BAHCC1: variants seen among roughly 807,000 people sequenced by gnomAD.
BAHCC1 encodes the protein BAH and coiled-coil domain-containing protein 1.
BAHCC1 carries 43 observed loss-of-function variants against 88.2 expected under a neutral mutation model. The observed-to-expected ratio is 0.49, with a 90% confidence interval of 0.38 to 0.63. The LOEUF (loss-of-function observed/expected upper bound fraction) is 0.63, where lower values mean the gene tolerates loss of function less well. Among genes scored for constraint, BAHCC1 ranks in the 20% least tolerant of loss-of-function variants. BAHCC1 has a pLI of 0.00. For missense variants in BAHCC1, 3,023 were observed against 1,654.8 expected (o/e 1.83, Z -14.34); for synonymous variants, 1,510 against 745.5 (o/e 2.03, Z -16.71).
intron 2 of BAHCC1, among the ~76,000 whole-genome samples, chr17:81,420,736 A>G (rs7212578): frequency 0.77 from 117,212 of 152,296 alleles, 45,471 homozygotes; most frequent in East Asian, 1. Context: ...GGGGGCAGCC[A>G]ACTGGAGGCC....
At position 81,447,099 on chromosome 17, in the gene BAHCC1, A is replaced by G. The variant is rs572526987; in HGVS notation, c.3227A>G (p.His1076Arg). 3 of 779,050 alleles carry G rather than the reference A, an allele frequency of 3.9e-6. No homozygotes were observed. Among genetic ancestry groups the G allele is most frequent in the Non-Finnish European group, 2.4e-6 (1 of 417,846 alleles). 48.3% of individuals were successfully genotyped at this position (779,050 alleles called of 1,614,324 possible). A position where few individuals can be genotyped will look rare whatever the true frequency, so the allele number is the denominator to read the frequency against. The change falls in exon 11 of 28, where the codon CAC (histidine) becomes CGC (arginine). Residue 1076 changes from histidine (H) to arginine (R), a missense_variant. Coordinates refer to ENST00000675386, the MANE Select transcript of BAHCC1 (RefSeq NM_001377448.1). ...GLGFSLPSDV[H>R]SSNLEDPETM... ...GGCTTCTCCCTACCCTCAGACGTGC[A>G]CTCTTCTAACCTCGAGGACCCTGAA...
chr17:81,416,353 T>G (rs2064024962), intron 2 of BAHCC1, among the ~76,000 whole-genome samples: 1 of 136,508 alleles, frequency 7.3e-6, no homozygotes, highest in African/African-American at 2.8e-5. Context: ...TGTGTGTCCA[T>G]GAGGGTGGGT....
At position 81,460,626 on chromosome 17, in the gene BAHCC1, C is replaced by T. The variant is rs1291975533; in HGVS notation, c.6122C>T (p.Pro2041Leu). The change falls in exon 25 of 28, where the codon CCC becomes CTC. Residue 2041 changes from proline (P) to leucine (L), a missense_variant. Transcript: ENST00000675386. ...EAPPPSEAAT[P>L]SLSPKAQDGP... Reference sequence around the variant, plus strand: ...CCCCCGCCTAGTGAAGCCGCCACCCCCAGCCTGTCCCCCAAAGCACAGGAC... The same window carrying T: ...CCCCCGCCTAGTGAAGCCGCCACCCTCAGCCTGTCCCCCAAAGCACAGGAC... 1.3e-6 allele frequency: 1 copy of T among 771,342 alleles called. No individual in the cohort carries two copies. Among genetic ancestry groups the T allele is most frequent in the Non-Finnish European group, 2.4e-6 (1 of 414,152 alleles). The allele number at this position is 771,342 out of a possible 1,614,324, so 47.8% of individuals were successfully genotyped here. A position where few individuals can be genotyped will look rare whatever the true frequency, so the allele number is the denominator to read the frequency against.
intron 2 of BAHCC1, chr17:81,402,314 ATTG>A (rs1484811850): frequency 1.3e-5 from 2 of 152,224 alleles, no homozygotes; most frequent in Admixed American, 6.5e-5. Context: ...GCCTTTTGAA[ATTG>A]TTAAGAGCCA....
intron 2 of BAHCC1, among the ~76,000 whole-genome samples, chr17:81,419,060 G>A (rs1029949629): frequency 4.6e-5 from 7 of 152,168 alleles, no homozygotes; most frequent in African/African-American, 1.7e-4. Context: ...GGTGGGGGAA[G>A]CATCACTGGG....
chr17:81,439,916 C>T (rs1453120761), intron 4 of BAHCC1, among the ~76,000 whole-genome samples: 11 of 152,148 alleles, frequency 7.2e-5, no homozygotes, highest in African/African-American at 2.7e-4. Flanking sequence ...TTCTCCCCAC[C>T]TCATACTCAC....
At chr17:81,421,944 G>C (rs1278266649) in intron 2 of BAHCC1, 1 of 431,122 alleles carries the variant, frequency 2.3e-6, no homozygotes, top group Non-Finnish European at 4.6e-6. Context: ...GCTGTGCCCA[G>C]AAGTGGTCCC....
intron 27 of BAHCC1, among the ~76,000 whole-genome samples, chr17:81,463,210 G>A (rs782184269): frequency 6.6e-6 from 1 of 152,170 alleles, no homozygotes; most frequent in African/African-American, 2.4e-5. Context: ...CTCAGCATCC[G>A]GCAGGTCTAG....
chr17:81,435,561 GGAGGTTCTGGAGCCCC>G lies in BAHCC1; in HGVS notation c.359-2806_359-2791del, dbSNP rs565309108. ...CCCGTCTCAAAGGGGTCTGGGAAGG[GGAGGTTCTGGAGCCCC>G]GACGTTCTAGCAGGAGCTTGCAGTT... On this transcript the variant is annotated intron_variant, in intron 3 of 27. Transcript: ENST00000675386. This position sits in a 1 kb window ranked among gnomAD's most constrained non-coding sequence, Gnocchi z 4.4. 763 of 459,022 alleles carry G rather than the reference GGAGGTTCTGGAGCCCC, an allele frequency of 1.7e-3. 3 individuals carry two copies. The highest frequency in any genetic ancestry group is 2.3e-3 in the Non-Finnish European group (508 of 220,744). The allele number at this position is 459,022 out of a possible 1,614,324, so 28.4% of individuals were successfully genotyped here.
chr17:81,404,751 C>G (rs9914011), intron 2 of BAHCC1, among the ~76,000 whole-genome samples: 53,287 of 152,108 alleles, frequency 0.35, 10,366 homozygotes, highest in East Asian at 0.84. Flanking sequence ...AAATAATGTG[C>G]GAGCGCTTGG....
rs2063782993 is a variant in BAHCC1, at chr17:81,399,366, G to A, written c.-206-168G>A. On this transcript the variant is annotated intron_variant, in intron 1 of 27. Transcript: ENST00000675386. This position sits in a 1 kb window ranked among gnomAD's most constrained non-coding sequence, Gnocchi z 4.5. ...CCCGGGTGCTGGGCTGCGCGCGCGT[G>A]CGGCGGGGAGACACCGAGCGCCCCG... 1 of 147,314 alleles carries A rather than the reference G, an allele frequency of 6.8e-6. No homozygotes were observed. The highest frequency in any genetic ancestry group is 2.1e-4 in the South Asian group (1 of 4,814). 9.1% of individuals were successfully genotyped at this position (147,314 alleles called of 1,614,324 possible). A position where few individuals can be genotyped will look rare whatever the true frequency, so the allele number is the denominator to read the frequency against.
chr17:81,398,321 T>A (rs549957421), intron 1 of BAHCC1, among the ~76,000 whole-genome samples: 1 of 152,304 alleles, frequency 6.6e-6, no homozygotes, highest in African/African-American at 2.4e-5. Context: ...CAATTTCGCC[T>A]GAGTGGATGC....
rs1483038406 is a variant in BAHCC1, at chr17:81,464,919, C to G, written c.*1102C>G. On this transcript the variant is annotated 3_prime_UTR_variant, in exon 28 of 28. Coordinates refer to ENST00000675386, the MANE Select transcript of BAHCC1 (RefSeq NM_001377448.1). ...TAACTTTCCTGAAAGTAGTAGGTGCCGTGAGAAGGGGCAGTTTGGCCAGGT... is the reference window on the plus strand; with the variant it reads ...TAACTTTCCTGAAAGTAGTAGGTGCGGTGAGAAGGGGCAGTTTGGCCAGGT... The G allele has an allele frequency of 6.6e-6, 1 of 152,184 alleles. No homozygotes were observed. The highest frequency in any genetic ancestry group is 1.5e-5 in the Non-Finnish European group (1 of 68,046). The allele number at this position is 152,184 out of a possible 1,614,324, so 9.4% of individuals were successfully genotyped here. A position where few individuals can be genotyped will look rare whatever the true frequency, so the allele number is the denominator to read the frequency against.
chr17:81,458,152 C>G lies in BAHCC1; in HGVS notation c.5042-13C>G, dbSNP rs1555657852. 1.4e-6 allele frequency: 1 copy of G among 716,662 alleles called. No individual in the cohort carries two copies. Among genetic ancestry groups the G allele is most frequent in the East Asian group, 2.7e-5 (1 of 37,336 alleles). 44.4% of individuals were successfully genotyped at this position (716,662 alleles called of 1,614,324 possible). Reference sequence around the variant, plus strand: ...ATGGGGACCCCTGTGACGGCCTCCTCTCCTTCCCACAGGGGCCTGCCGCCT... The same window carrying G: ...ATGGGGACCCCTGTGACGGCCTCCTGTCCTTCCCACAGGGGCCTGCCGCCT... On this transcript the variant is annotated splice_polypyrimidine_tract_variant and intron_variant, in intron 17 of 27. Transcript: ENST00000675386.
chr17:81,463,546 TC>T (rs1555660046), intron 27 of BAHCC1, 64 bp from the exon 28 acceptor site: 1 of 767,520 alleles, frequency 1.3e-6, no homozygotes, highest in Non-Finnish European at 2.4e-6. Context: ...GGGTGGTCTT[TC>T]CTGGCTGGGC....
Position 81,457,574 on chromosome 17 carries a change from G to A in BAHCC1, c.5023G>A (p.Glu1675Lys), listed in dbSNP as rs1555657649. 4.0e-6 allele frequency: 3 copies of A among 743,222 alleles called. No homozygotes were observed. The highest frequency in any genetic ancestry group is 7.5e-6 in the Non-Finnish European group (3 of 399,578). The allele number at this position is 743,222 out of a possible 1,614,324, so 46.0% of individuals were successfully genotyped here. Residue 1675 changes from glutamate (E) to lysine (K), a missense_variant, in exon 17 of 28, where the codon GAG (glutamate) becomes AAG (lysine). By Grantham distance (56) the Glu-to-Lys change is moderately conservative. Coordinates refer to ENST00000675386, the MANE Select transcript of BAHCC1 (RefSeq NM_001377448.1). ...CAACCAGAAGGCCAAGAAGAAGAAGGAGAGGCAGGGGTTGCTAGGTAACCA... is the reference window on the plus strand; with the variant it reads ...CAACCAGAAGGCCAAGAAGAAGAAGAAGAGGCAGGGGTTGCTAGGTAACCA... ...EANQKAKKKK[E>K]RQGLLGACRL...
At chr17:81,427,973 A>T (rs1157330988) in intron 3 of BAHCC1, among the ~76,000 whole-genome samples, 4 of 152,216 alleles carry the variant, frequency 2.6e-5, no homozygotes, top group African/African-American at 9.6e-5. Context: ...CTGTTTTCCA[A>T]ACAGAACAGG....
At position 81,411,217 on chromosome 17, in the gene BAHCC1, T is replaced by TG. The variant is rs542146123; in HGVS notation, c.178+11304dup. On this transcript the variant is annotated intron_variant, in intron 2 of 27. Transcript: ENST00000675386. The surrounding 1 kb of genome is among the most constrained non-coding windows in gnomAD (Gnocchi z 6.2). The stretch of plus-strand genomic sequence containing the variant: ...GTCTGCGCCACCTGGGCATGCCCAG[T>TG]GGGGCCCCAGGAGGACTCGCCACCC... The TG allele has an allele frequency of 2.1e-4, 107 of 516,056 alleles. 2 individuals carry two copies. The East Asian group carries it at 5.4e-3, about 26-fold the overall frequency. 32.0% of individuals were successfully genotyped at this position (516,056 alleles called of 1,614,324 possible).
chr17:81,438,791 C>T (rs910788676), intron 4 of BAHCC1, among the ~76,000 whole-genome samples: 8 of 152,172 alleles, frequency 5.3e-5, no homozygotes, highest in African/African-American at 7.2e-5. Context: ...CTAGCCCCAC[C>T]GGCTTCCTCA....
Sources: gnomAD v4.1 joint callset for allele counts (sites outside exome capture counted in the v4.1 genomes callset) on GRCh38, gnomAD v4.1.1 for gene constraint, Gnocchi (gnomAD v3.1) non-coding constraint, MANE v1.5 for transcripts, NCBI Gene and HGNC (gene_info 2026-07-23, HGNC 2026-07-21) for gene names.